The following CDH12 variants were observed in gnomAD, a reference collection of about 807,000 sequenced individuals.
The protein encoded by CDH12 is cadherin 12.
CDH12 carries 41 observed loss-of-function variants against 74.1 expected under a neutral mutation model. The ratio of observed to expected loss-of-function variants is 0.55; its 90% confidence interval spans 0.43 to 0.72. The LOEUF (loss-of-function observed/expected upper bound fraction) is 0.72. Among genes scored for constraint, CDH12 ranks in the 30% least tolerant of loss-of-function variants. The pLI, the probability that CDH12 is intolerant of heterozygous loss-of-function variation, is 0.00. For synonymous variants in CDH12, 399 were observed against 355.0 expected (o/e 1.12, Z -1.39); for missense variants, 945 against 977.2 (o/e 0.97, Z 0.44).
intron 1 of CDH12, among the ~76,000 whole-genome samples, chr5:22,801,362 C>G (rs1286759580): frequency 6.6e-6 from 1 of 152,036 alleles, no homozygotes; most frequent in Non-Finnish European, 1.5e-5. Context: ...ATCAGCTAAG[C>G]AAAATGCCAG....
chr5:22,253,855 C>T (rs1338474709), intron 3 of CDH12, among the ~76,000 whole-genome samples: 2 of 151,894 alleles, frequency 1.3e-5, no homozygotes, highest in African/African-American at 4.8e-5. Flanking sequence ...AATAATGAGG[C>T]ACACAAATGT....
At chr5:21,991,076 A>G (rs1255532549) in intron 5 of CDH12, among the ~76,000 whole-genome samples, 3 of 151,742 alleles carry the variant, frequency 2.0e-5, no homozygotes, top group Non-Finnish European at 4.4e-5. Context: ...CCAGATTTGT[A>G]TTACCCTGAA....
chr5:21,857,053 A>G (rs1036309725), intron 6 of CDH12, among the ~76,000 whole-genome samples: 2 of 151,788 alleles, frequency 1.3e-5, no homozygotes, highest in Admixed American at 6.6e-5. Flanking sequence ...CATGCAAAAG[A>G]CAGAGATTTC....
intron 4 of CDH12, among the ~76,000 whole-genome samples, chr5:22,145,650 G>A (rs1052114168): frequency 2.0e-5 from 3 of 152,108 alleles, no homozygotes; most frequent in African/African-American, 4.8e-5. Flanking sequence ...GGCTAACGGT[G>A]AGCAGTGGCT....
At chr5:22,419,989 T>TG (rs947867910) in intron 2 of CDH12, among the ~76,000 whole-genome samples, 1 of 139,224 alleles carries the variant, frequency 7.2e-6, no homozygotes, top group Admixed American at 7.1e-5. Context: ...CATATTTTAA[T>TG]GGGGTTTTTT....
chr5:22,031,290 T>C (rs7444753), intron 5 of CDH12, among the ~76,000 whole-genome samples: 55,375 of 151,850 alleles, frequency 0.36, 13,571 homozygotes, highest in African/African-American at 0.7. Context: ...GCCAAGATCC[T>C]GCCACTGAAC....
At chr5:22,181,149 C>G (rs1215317202) in intron 4 of CDH12, among the ~76,000 whole-genome samples, 1 of 152,094 alleles carries the variant, frequency 6.6e-6, no homozygotes, top group Non-Finnish European at 1.5e-5. Flanking sequence ...TTCTTTCTCT[C>G]CCACTAACAT....
intron 2 of CDH12, among the ~76,000 whole-genome samples, chr5:22,488,763 A>G (rs1294202691): frequency 6.6e-6 from 1 of 152,042 alleles, no homozygotes; most frequent in Non-Finnish European, 1.5e-5. Context: ...CTGCCTCATC[A>G]GCCCCTCCTG....
intron 3 of CDH12, among the ~76,000 whole-genome samples, chr5:22,393,988 T>C (rs1742352762): frequency 1.3e-5 from 2 of 152,006 alleles, no homozygotes; most frequent in Non-Finnish European, 2.9e-5. Flanking sequence ...TATTGAAAAC[T>C]GTGAGAGAAA....
intron 3 of CDH12, among the ~76,000 whole-genome samples, chr5:22,325,306 G>A (rs935475421): frequency 1.3e-5 from 2 of 151,934 alleles, no homozygotes; most frequent in Non-Finnish European, 2.9e-5. Flanking sequence ...AAACCTCAGA[G>A]CAAAAAGCCA....
intron 1 of CDH12, among the ~76,000 whole-genome samples, chr5:22,609,226 G>A (rs903182697): frequency 2.0e-5 from 3 of 152,086 alleles, no homozygotes; most frequent in Non-Finnish European, 4.4e-5. Flanking sequence ...TGTAATCCAG[G>A]CCCTCTCAAC....
chr5:22,588,407 C>G (rs762594451), intron 1 of CDH12, among the ~76,000 whole-genome samples: 1 of 151,938 alleles, frequency 6.6e-6, no homozygotes, highest in Non-Finnish European at 1.5e-5. Context: ...AATTTTCATA[C>G]GCCATTTGTA....
At chr5:22,578,619 A>T (rs1739916022) in intron 1 of CDH12, among the ~76,000 whole-genome samples, 1 of 152,092 alleles carries the variant, frequency 6.6e-6, no homozygotes, top group Non-Finnish European at 1.5e-5. Flanking sequence ...AGAAAATCAG[A>T]ATGTCTCCTT....
At chr5:22,139,453 A>G (rs1489201499) in intron 4 of CDH12, 3 of 117,080 alleles carry the variant, frequency 2.6e-5, no homozygotes. Context: ...ACTTTCATCT[A>G]TTCCATAATT....
intron 1 of CDH12, among the ~76,000 whole-genome samples, chr5:22,635,865 GA>G (rs1738816233): frequency 1.3e-5 from 2 of 152,016 alleles, no homozygotes; most frequent in Admixed American, 1.3e-4. Flanking sequence ...AGTCAGAGGA[GA>G]TTGTGCCCAC....
chr5:22,592,957 G>A (rs1436505793), intron 1 of CDH12, among the ~76,000 whole-genome samples: 16 of 148,094 alleles, frequency 1.1e-4, no homozygotes, highest in Admixed American at 1.0e-3. Context: ...TGGAACCCAG[G>A]AGGCGGAGGT....
At chr5:22,503,808 T>C (rs1364405516) in intron 2 of CDH12, among the ~76,000 whole-genome samples, 2 of 152,106 alleles carry the variant, frequency 1.3e-5, no homozygotes, top group African/African-American at 4.8e-5. Context: ...GATGTTTTAA[T>C]GCTCTGTTAT....
At chr5:22,800,846 G>A (rs1008647638) in intron 1 of CDH12, among the ~76,000 whole-genome samples, 2 of 151,948 alleles carry the variant, frequency 1.3e-5, no homozygotes, top group Non-Finnish European at 2.9e-5. Flanking sequence ...TACATTTAGG[G>A]TTCCTCCTTG....
At chr5:22,279,786 T>A (rs1236908173) in intron 3 of CDH12, among the ~76,000 whole-genome samples, 1 of 152,206 alleles carries the variant, frequency 6.6e-6, no homozygotes, top group Non-Finnish European at 1.5e-5. Context: ...TTGTTGGACA[T>A]TTGGGTTGGT....
Sources: gnomAD v4.1 joint callset for allele counts (sites outside exome capture counted in the v4.1 genomes callset) on GRCh38, gnomAD v4.1.1 for gene constraint, MANE v1.5 for transcripts, NCBI Gene and HGNC (gene_info 2026-07-23, HGNC 2026-07-21) for gene names.